KLHL3: variants seen among roughly 807,000 people sequenced by gnomAD.
KLHL3 encodes kelch like family member 3.
In KLHL3, 19 loss-of-function variants were observed where a neutral mutation model predicts 70.5. The ratio of observed to expected loss-of-function variants is 0.27; its 90% CI spans 0.19 to 0.40. The LOEUF is 0.40. Among genes scored for constraint, KLHL3 ranks in the 10% least tolerant of loss-of-function variants. The pLI, the probability that KLHL3 is intolerant of heterozygous loss-of-function variation, is 1.00. For missense variants in KLHL3, 512 were observed against 771.1 expected (o/e 0.66, Z 3.98); for synonymous variants, 258 against 290.3 (o/e 0.89, Z 1.13).
At chr5:137,714,403 A>G (rs1311157931) in intron 2 of KLHL3, among the ~76,000 whole-genome samples, 1 of 152,252 alleles carries the variant, frequency 6.6e-6, no homozygotes, top group African/African-American at 2.4e-5. Flanking sequence ...AACATTATTT[A>G]TAATAGCCAG....
chr5:137,720,598 G>A lies in KLHL3; in HGVS notation c.15-14C>T. ...CTCAGCTTGACACTGTGAACAGGAA[G>A]GAAGAGGGAGGGAAAGAGAATCACT... On this transcript the variant is annotated splice_polypyrimidine_tract_variant and intron_variant, in intron 1 of 14. Coordinates refer to ENST00000309755, the MANE Select transcript of KLHL3 (RefSeq NM_017415.3). 1 of 1,613,562 alleles carries A rather than the reference G, an allele frequency of 6.2e-7. No individual in the cohort carries two copies. The highest frequency in any genetic ancestry group is 1.1e-5 in the South Asian group (1 of 91,020).
intron 6 of KLHL3, among the ~76,000 whole-genome samples, chr5:137,666,773 TAAAC>T (rs1247235306): frequency 2.0e-5 from 3 of 151,884 alleles, no homozygotes; most frequent in Non-Finnish European, 4.4e-5. Flanking sequence ...GCTTGAAAAA[TAAAC>T]AAGCAAATAA....
intron 5 of KLHL3, among the ~76,000 whole-genome samples, chr5:137,681,184 T>C (rs896220767): frequency 6.6e-6 from 1 of 152,132 alleles, no homozygotes; most frequent in Non-Finnish European, 1.5e-5. Flanking sequence ...ATGGAAATAA[T>C]AATAGTACAT....
chr5:137,700,562 T>C (rs1752545702), intron 3 of KLHL3, among the ~76,000 whole-genome samples: 1 of 152,206 alleles, frequency 6.6e-6, no homozygotes, highest in Non-Finnish European at 1.5e-5. Flanking sequence ...AAAAGTTCAC[T>C]TTTTCTAGGG....
At chr5:137,657,850 G>A (rs1283165143) in intron 8 of KLHL3, among the ~76,000 whole-genome samples, 1 of 152,232 alleles carries the variant, frequency 6.6e-6, no homozygotes, top group Non-Finnish European at 1.5e-5. Flanking sequence ...AAGCCATGGT[G>A]TGAAATGAGA....
chr5:137,623,183 C>T (rs1750365321), intron 14 of KLHL3, among the ~76,000 whole-genome samples: 1 of 152,222 alleles, frequency 6.6e-6, no homozygotes, highest in Non-Finnish European at 1.5e-5. Context: ...AGGAAAGTAT[C>T]TGTCAGGGTT....
At chr5:137,648,867 G>A (rs1310998863) in intron 8 of KLHL3, among the ~76,000 whole-genome samples, 1 of 152,174 alleles carries the variant, frequency 6.6e-6, no homozygotes, top group Non-Finnish European at 1.5e-5. Context: ...GCACAAACCA[G>A]CCTGCCCTTG....
intron 6 of KLHL3, among the ~76,000 whole-genome samples, chr5:137,676,750 T>C (rs1042634073): frequency 1.3e-5 from 2 of 152,216 alleles, no homozygotes; most frequent in African/African-American, 2.4e-5. Flanking sequence ...CAAGGTCACA[T>C]AACTAATTTG....
intron 3 of KLHL3, among the ~76,000 whole-genome samples, chr5:137,703,410 G>A (rs887500533): frequency 4.6e-5 from 7 of 152,152 alleles, no homozygotes; most frequent in Non-Finnish European, 8.8e-5. Flanking sequence ...TGAGCACTAA[G>A]GCCAAAGACA....
intron 8 of KLHL3, among the ~76,000 whole-genome samples, chr5:137,649,637 G>A (rs539100557): frequency 1.3e-4 from 20 of 152,260 alleles, no homozygotes; most frequent in Non-Finnish European, 2.9e-4. Context: ...AGGGTAATTT[G>A]TAATGCAGAA....
intron 8 of KLHL3, among the ~76,000 whole-genome samples, chr5:137,653,335 GA>G (rs1751257286): frequency 6.6e-6 from 1 of 152,118 alleles, no homozygotes; most frequent in Admixed American, 6.5e-5. Flanking sequence ...CAGGTTGGGA[GA>G]AAATATTTGC....
At chr5:137,692,959 T>C (rs556992416) in intron 4 of KLHL3, among the ~76,000 whole-genome samples, 1 of 152,276 alleles carries the variant, frequency 6.6e-6, no homozygotes, top group African/African-American at 2.4e-5. Context: ...GTATGGAGTG[T>C]GGCCTGGACA....
intron 6 of KLHL3, among the ~76,000 whole-genome samples, chr5:137,662,406 G>C (rs1751505378): frequency 6.6e-6 from 1 of 152,106 alleles, no homozygotes; most frequent in African/African-American, 2.4e-5. Flanking sequence ...ATTTATAGAG[G>C]CTGCTCAGGA....
At chr5:137,677,447 CA>C (rs977062533) in intron 6 of KLHL3, 97 bp downstream of exon 6, 448 of 697,336 alleles carry the variant, frequency 6.4e-4, no homozygotes, top group South Asian at 1.0e-3. Context: ...GACTCCATCT[CA>C]AAAAAAAAGA....
rs774856270 is a variant in KLHL3, at chr5:137,628,315, T to A, written c.1573A>T (p.Met525Leu). ...TCATTACCTGCGTTGCGCCGGCACA[T>A]GTTCATGTCTGCCACTTGCTTCCAG... ...NTWKQVADMN[M>L]CRRNAGVCAV... Residue 525 changes from methionine (M) to leucine (L), a missense_variant, in exon 13 of 15, where the codon ATG (methionine) becomes TTG (leucine). Physicochemically the swap from Met to Leu is conservative, Grantham distance 15. Transcript: ENST00000309755. 9 of 1,614,204 alleles carry A rather than the reference T, an allele frequency of 5.6e-6. No homozygotes were observed. In the East Asian group the frequency reaches 2.0e-4, roughly 36 times the overall value.
intron 1 of KLHL3, among the ~76,000 whole-genome samples, chr5:137,733,895 A>G (rs1018926035): frequency 2.0e-5 from 3 of 152,188 alleles, no homozygotes; most frequent in African/African-American, 7.2e-5. Context: ...GCAGGAACAA[A>G]AGGTATGACC....
At chr5:137,696,170 C>T (rs1289539594) in intron 4 of KLHL3, among the ~76,000 whole-genome samples, 3 of 152,206 alleles carry the variant, frequency 2.0e-5, no homozygotes, top group Non-Finnish European at 4.4e-5. Context: ...AATGCCCTGC[C>T]TCAGAAAGCA....
chr5:137,685,871 A>G (rs933281336), intron 5 of KLHL3, among the ~76,000 whole-genome samples: 1 of 152,218 alleles, frequency 6.6e-6, no homozygotes, highest in African/African-American at 2.4e-5. Flanking sequence ...AATGAAAAAG[A>G]TTTGGAAGGA....
intron 5 of KLHL3, among the ~76,000 whole-genome samples, chr5:137,683,761 CTCTT>C (rs1459154108): frequency 3.8e-5 from 2 of 52,482 alleles, no homozygotes; most frequent in South Asian, 6.6e-4. Context: ...CTCTCTAGCT[CTCTT>C]TCTCTCTCTC....
Sources: gnomAD v4.1 joint callset for allele counts (sites outside exome capture counted in the v4.1 genomes callset) on GRCh38, gnomAD v4.1.1 for gene constraint, MANE v1.5 for transcripts, NCBI Gene and HGNC (gene_info 2026-07-23, HGNC 2026-07-21) for gene names.